CD81: variants seen among roughly 807,000 people sequenced by gnomAD.
CD81 encodes CD81 molecule.
CD81 carries 10 observed loss-of-function variants against 30.1 expected under a neutral mutation model. The observed-to-expected ratio is 0.33, with a 90% CI of 0.21 to 0.56. The LOEUF (loss-of-function observed/expected upper bound fraction) is 0.56. CD81 is among the 20% of genes least tolerant of loss of function. CD81 has a pLI of 0.89. For synonymous variants in CD81, 147 were observed against 126.4 expected (o/e 1.16, Z -1.10); for missense variants, 263 against 308.7 (o/e 0.85, Z 1.11).
intron 1 of CD81, chr11:2,385,816 C>T (rs1433597731): frequency 3.1e-6 from 2 of 639,608 alleles, no homozygotes; most frequent in Admixed American, 2.1e-5. Flanking sequence ...GGTCAGTGGG[C>T]ATATGGGTTG....
chr11:2,384,398 T>G (rs1266175399), intron 1 of CD81, among the ~76,000 whole-genome samples: 2 of 3,050 alleles, frequency 6.6e-4, no homozygotes, highest in Non-Finnish European at 5.8e-4. Flanking sequence ...GGGCGTCTCG[T>G]GGGGTGGGAC....
intron 2 of CD81, 94 bp downstream of exon 2, chr11:2,390,620 C>T: frequency 1.1e-6 from 1 of 909,362 alleles, no homozygotes; most frequent in Non-Finnish European, 1.8e-6. Flanking sequence ...GGGTGAAAGA[C>T]AGTCGGGCAT....
intron 1 of CD81, among the ~76,000 whole-genome samples, chr11:2,389,868 C>T (rs1446382459): frequency 6.6e-6 from 1 of 152,136 alleles, no homozygotes; most frequent in African/African-American, 2.4e-5. Flanking sequence ...CCCCAGAGTT[C>T]TCAGCACCCC....
In CD81 at chr11:2,384,746, C is replaced by T. The variant is rs1849761795; in HGVS notation, c.67-5666C>T. On this transcript the variant is annotated intron_variant, in intron 1 of 7. Coordinates refer to ENST00000263645, the MANE Select transcript of CD81 (RefSeq NM_004356.4). ...TGTGGGGAGAGGGGTGACAGGAGTT[C>T]CAGATTCCGGCACTTATGAAACCTC... is the stretch of plus-strand genomic sequence containing the variant. The T allele has an allele frequency of 1.9e-5, 3 of 158,828 alleles. No individual in the cohort carries two copies. The Middle Eastern group carries it at 1.9e-3, about 101-fold the overall frequency. The allele number at this position is 158,828 out of a possible 1,614,324, so 9.8% of individuals were successfully genotyped here.
At chr11:2,388,689 C>T (rs1305301914) in intron 1 of CD81, among the ~76,000 whole-genome samples, 1 of 152,172 alleles carries the variant, frequency 6.6e-6, no homozygotes, top group African/African-American at 2.4e-5. Flanking sequence ...GAGCAGCTGC[C>T]TTCTGGGCTG....
rs1849623004 is a variant in CD81 at position 2,377,692 on chromosome 11, C to G, written c.66+77C>G. On this transcript the variant is annotated intron_variant, in intron 1 of 7. Transcript: ENST00000263645. This position sits in a 1 kb window ranked among gnomAD's most constrained non-coding sequence, Gnocchi z 7.7. ...GTTGGGCAGGTCCCGCGGCAGCGTG[C>G]TAGGCCCCGCGGGCGCAGCGCGGGC... 6.1e-6 allele frequency: 6 copies of G among 980,958 alleles called. No individual in the cohort carries two copies. 60.8% of individuals were successfully genotyped at this position (980,958 alleles called of 1,614,324 possible).
intron 1 of CD81, chr11:2,386,006 G>T (rs1849791202): frequency 1.4e-6 from 1 of 713,656 alleles, no homozygotes; most frequent in South Asian, 1.5e-5. Context: ...TATTCAAGGT[G>T]GCTGGACCGT....
rs958576431 is a variant in CD81 at position 2,396,071 on chromosome 11, A to G, written c.561+101A>G. 1.9e-5 allele frequency: 11 copies of G among 572,444 alleles called. No individual in the cohort carries two copies. The Admixed American group carries it at 1.9e-4, about 10-fold the overall frequency. 35.5% of individuals were successfully genotyped at this position (572,444 alleles called of 1,614,324 possible). On this transcript the variant is annotated intron_variant, in intron 6 of 7. Coordinates refer to ENST00000263645, the MANE Select transcript of CD81 (RefSeq NM_004356.4). ...TCACACGGCAGCCCCACAGGGAGCG[A>G]CCACACTGGGTGGCATGGCCCCTGT...
intron 1 of CD81, among the ~76,000 whole-genome samples, chr11:2,381,516 A>G (rs530386513): frequency 6.6e-6 from 1 of 152,336 alleles, no homozygotes; most frequent in South Asian, 2.1e-4. Context: ...GACAGACCCC[A>G]AAAGATCCCT....
intron 7 of CD81, 36 bp from the exon 8 acceptor site, chr11:2,396,768 C>T: frequency 6.2e-7 from 1 of 1,612,198 alleles, no homozygotes; most frequent in Non-Finnish European, 8.5e-7. Flanking sequence ...TCCGCGGGGC[C>T]TTGTGCTGAC....
intron 1 of CD81, among the ~76,000 whole-genome samples, chr11:2,381,574 A>G (rs930813042): frequency 3.9e-5 from 6 of 152,266 alleles, no homozygotes. Flanking sequence ...AGCTTTGCTC[A>G]TAGAGTCAAT....
At chr11:2,395,620 C>G (rs888995442) in intron 5 of CD81, 100 bp downstream of exon 5, 4 of 970,396 alleles carry the variant, frequency 4.1e-6, no homozygotes, top group East Asian at 2.5e-5. Context: ...ACCTCAGGAG[C>G]AGGAGGTGCC....
chr11:2,380,818 A>G (rs940854953), intron 1 of CD81, among the ~76,000 whole-genome samples: 1 of 152,216 alleles, frequency 6.6e-6, no homozygotes, highest in Non-Finnish European at 1.5e-5. Context: ...GGAGTCCAGA[A>G]GAGGTGTCAC....
chr11:2,386,584 G>A (rs1417629505), intron 1 of CD81: 5 of 717,160 alleles, frequency 7.0e-6, no homozygotes, highest in Non-Finnish European at 1.0e-5. Flanking sequence ...CTGAAGGTCG[G>A]AGAGCTTGGC....
intron 2 of CD81, chr11:2,392,500 T>A (rs1269391399): frequency 1.3e-5 from 2 of 152,344 alleles, no homozygotes; most frequent in South Asian, 2.1e-4. Flanking sequence ...CCTCGGTCCT[T>A]GGCTGTGGTT....
At position 2,382,945 on chromosome 11, in the gene CD81, C is replaced by T. The variant is rs1032462033; in HGVS notation, c.66+5330C>T. On this transcript the variant is annotated intron_variant, in intron 1 of 7. Coordinates refer to ENST00000263645, the MANE Select transcript of CD81 (RefSeq NM_004356.4). ...TAGGGACTTCCTGGCTTCCCTGCCTCGGGAACAGCTGGTCCTGGAAGGGGC... is the reference window on the plus strand; with the variant it reads ...TAGGGACTTCCTGGCTTCCCTGCCTTGGGAACAGCTGGTCCTGGAAGGGGC... Among the ~76,000 whole-genome samples the T allele has an allele frequency of 9.9e-5, 15 of 152,280 alleles. 1 individual carries two copies. In the East Asian group the frequency reaches 2.5e-3, roughly 26 times the overall value.
intron 1 of CD81, among the ~76,000 whole-genome samples, chr11:2,382,213 C>A (rs1564989488): frequency 6.6e-6 from 1 of 152,258 alleles, no homozygotes; most frequent in Non-Finnish European, 1.5e-5. Flanking sequence ...GGCATCTGCC[C>A]CCCACCCCCA....
Position 2,397,158 on chromosome 11 carries a change from C to T in CD81, c.*292C>T, listed in dbSNP as rs1251429331. 2.0e-6 allele frequency: 1 copy of T among 487,928 alleles called. No individual in the cohort carries two copies. Among genetic ancestry groups the T allele is most frequent in the Non-Finnish European group, 3.7e-6 (1 of 267,006 alleles). 30.2% of individuals were successfully genotyped at this position (487,928 alleles called of 1,614,324 possible). On this transcript the variant is annotated 3_prime_UTR_variant, in exon 8 of 8. Transcript: ENST00000263645. ...GGGTGCTCTGCCTGCTCAGCCAGGC[C>T]TCTCCTGGGAGCCACTCGCCCAGAG... is the stretch of plus-strand genomic sequence containing the variant.
At chr11:2,376,308 C>T (rs985155680), upstream of CD81, 1 of 152,248 alleles carries the variant, frequency 6.6e-6, no homozygotes, top group Admixed American at 6.5e-5. Flanking sequence ...CTTGCCAAGA[C>T]GAGCTGGCTA....
Sources: gnomAD v4.1 joint callset for allele counts (sites outside exome capture counted in the v4.1 genomes callset) on GRCh38, gnomAD v4.1.1 for gene constraint, Gnocchi (gnomAD v3.1) non-coding constraint, MANE v1.5 for transcripts, NCBI Gene and HGNC (gene_info 2026-07-23, HGNC 2026-07-21) for gene names.